Variants in ZNF385B observed in about 807,000 individuals in gnomAD.
The protein encoded by ZNF385B is zinc finger protein 533.
A neutral mutation model predicts 39.2 loss-of-function variants in ZNF385B; 23 were observed. The observed-to-expected ratio is 0.59, with a 90% CI of 0.42 to 0.83. ZNF385B has a LOEUF of 0.83. ZNF385B is among the 40% of genes least tolerant of loss of function. The pLI is 0.00. For synonymous variants in ZNF385B, 205 were observed against 222.6 expected (o/e 0.92, Z 0.70); for missense variants, 552 against 598.9 (o/e 0.92, Z 0.82).
intron 4 of ZNF385B, among the ~76,000 whole-genome samples, chr2:179,526,094 G>C (rs1218111026): frequency 7.0e-6 from 1 of 142,878 alleles, no homozygotes; most frequent in Non-Finnish European, 1.5e-5. Flanking sequence ...CTGGAGTGCA[G>C]TGGCTCAGTC....
At chr2:179,613,586 C>G (rs1689474567) in intron 3 of ZNF385B, among the ~76,000 whole-genome samples, 1 of 152,060 alleles carries the variant, frequency 6.6e-6, no homozygotes, top group Admixed American at 6.5e-5. Context: ...GGCCTTAGGA[C>G]TCTGCTTGGT....
intron 3 of ZNF385B, among the ~76,000 whole-genome samples, chr2:179,629,584 A>G (rs1691000863): frequency 6.6e-6 from 1 of 152,178 alleles, no homozygotes; most frequent in Non-Finnish European, 1.5e-5. Context: ...TCCAGTCTGC[A>G]GCTCCCAGCG....
intron 1 of ZNF385B, among the ~76,000 whole-genome samples, chr2:179,772,383 C>G (rs1704062349): frequency 6.6e-6 from 1 of 152,152 alleles, no homozygotes; most frequent in African/African-American, 2.4e-5. Context: ...CTAGAAAAGA[C>G]CCAATGCCTG....
chr2:179,787,507 G>A (rs1458715090), intron 1 of ZNF385B, among the ~76,000 whole-genome samples: 2 of 151,962 alleles, frequency 1.3e-5, no homozygotes, highest in Non-Finnish European at 2.9e-5. Context: ...CTCTTATAAG[G>A]ACATATGGCA....
intron 6 of ZNF385B, among the ~76,000 whole-genome samples, chr2:179,450,252 G>A (rs2049962909): frequency 6.6e-6 from 1 of 152,128 alleles, no homozygotes; most frequent in Admixed American, 6.5e-5. Flanking sequence ...ATTGACAAAT[G>A]GGATCTAATT....
intron 3 of ZNF385B, among the ~76,000 whole-genome samples, chr2:179,765,461 C>T (rs1339759908): frequency 6.6e-6 from 1 of 152,130 alleles, no homozygotes; most frequent in Non-Finnish European, 1.5e-5. Context: ...GTGTTTATGG[C>T]CTGGCTGTCA....
chr2:179,491,022 C>G (rs2055167610), intron 5 of ZNF385B, among the ~76,000 whole-genome samples: 2 of 152,112 alleles, frequency 1.3e-5, no homozygotes, highest in Non-Finnish European at 2.9e-5. Context: ...AAGTTAATCT[C>G]AGATGATTAG....
intron 6 of ZNF385B, among the ~76,000 whole-genome samples, chr2:179,477,248 C>T (rs1423355070): frequency 2.0e-5 from 3 of 152,108 alleles, no homozygotes; most frequent in African/African-American, 7.2e-5. Context: ...GTGGAAAAAC[C>T]TTAGACAAAA....
intron 5 of ZNF385B, among the ~76,000 whole-genome samples, chr2:179,497,306 G>C (rs2056319916): frequency 6.6e-6 from 1 of 152,088 alleles, no homozygotes; most frequent in Non-Finnish European, 1.5e-5. Flanking sequence ...TAAGTAGAAA[G>C]ACTAAGCAAT....
chr2:179,673,171 G>A (rs1410229622), intron 3 of ZNF385B, among the ~76,000 whole-genome samples: 1 of 152,084 alleles, frequency 6.6e-6, no homozygotes, highest in African/African-American at 2.4e-5. Context: ...GAAACCCCAA[G>A]CCAAGCGAAG....
chr2:179,788,244 T>C (rs1705122044), intron 1 of ZNF385B, among the ~76,000 whole-genome samples: 1 of 152,132 alleles, frequency 6.6e-6, no homozygotes, highest in Non-Finnish European at 1.5e-5. Context: ...TAACAGTTAA[T>C]TTGGAAACAT....
chr2:179,692,582 CA>C (rs1461498777), intron 3 of ZNF385B, among the ~76,000 whole-genome samples: 2 of 152,202 alleles, frequency 1.3e-5, no homozygotes, highest in Admixed American at 1.3e-4. Flanking sequence ...TTACGTTTCA[CA>C]AAGTGCTTTC....
intron 3 of ZNF385B, among the ~76,000 whole-genome samples, chr2:179,696,326 C>CTGTTTTT (rs1698742555): frequency 2.5e-5 from 1 of 40,354 alleles, no homozygotes; most frequent in African/African-American, 1.0e-4. Context: ...CAAACTGGGA[C>CTGTTTTT]TTTTTTTTTT....
chr2:179,817,519 T>C (rs957712518), intron 1 of ZNF385B, among the ~76,000 whole-genome samples: 1 of 152,164 alleles, frequency 6.6e-6, no homozygotes, highest in African/African-American at 2.4e-5. Context: ...ATGAAATAAT[T>C]GGTCTGAGTC....
At chr2:179,471,457 T>C (rs2052766926) in intron 6 of ZNF385B, among the ~76,000 whole-genome samples, 1 of 152,204 alleles carries the variant, frequency 6.6e-6, no homozygotes, top group Non-Finnish European at 1.5e-5. Flanking sequence ...CACATTTTTA[T>C]TTTCTTTTTT....
chr2:179,612,638 A>C (rs75658892), intron 3 of ZNF385B, among the ~76,000 whole-genome samples: 5,505 of 152,156 alleles, frequency 0.036, 328 homozygotes, highest in East Asian at 0.24. Context: ...TGGGTGACAC[A>C]AGCACCACCA....
chr2:179,623,063 G>A (rs772888087), intron 3 of ZNF385B, among the ~76,000 whole-genome samples: 1 of 152,142 alleles, frequency 6.6e-6, no homozygotes, highest in African/African-American at 2.4e-5. Flanking sequence ...GGCACTTGGC[G>A]CTAAGAAGTT....
chr2:179,452,807 G>A (rs1014297492), intron 6 of ZNF385B, among the ~76,000 whole-genome samples: 5 of 152,018 alleles, frequency 3.3e-5, no homozygotes, highest in South Asian at 4.1e-4. Flanking sequence ...AACTTTTTCT[G>A]TACAGCCCCA....
chr2:179,513,431 G>C (rs895804467), intron 5 of ZNF385B, among the ~76,000 whole-genome samples: 6 of 152,162 alleles, frequency 3.9e-5, no homozygotes, highest in Non-Finnish European at 5.9e-5. Context: ...ATAGCAAGGA[G>C]GCTGCTGGTC....
Sources: gnomAD v4.1 joint callset for allele counts (sites outside exome capture counted in the v4.1 genomes callset) on GRCh38, gnomAD v4.1.1 for gene constraint, MANE v1.5 for transcripts, NCBI Gene and HGNC (gene_info 2026-07-23, HGNC 2026-07-21) for gene names.